The following HTR1F variants were observed in gnomAD, a reference collection of about 807,000 sequenced individuals.
HTR1F encodes 5-hydroxytryptamine receptor 1F, also known as 5-hydroxytryptamine (serotonin) receptor 1F, G protein-coupled.
A neutral mutation model predicts 24.0 loss-of-function variants in HTR1F; 17 were observed. The ratio of observed to expected loss-of-function variants is 0.71; its 90% confidence interval spans 0.48 to 1.06. The LOEUF (loss-of-function observed/expected upper bound fraction) is 1.06, where lower values mean the gene tolerates loss of function less well. Ranked by LOEUF, HTR1F falls within the 50% of genes least tolerant of loss-of-function variation. The probability of loss-of-function intolerance (pLI) is 0.00; values close to 1 mark genes in which losing one functional copy is unlikely to be tolerated. For synonymous variants in HTR1F, 186 were observed against 156.8 expected (o/e 1.19, Z -1.39); for missense variants, 391 against 427.8 (o/e 0.91, Z 0.76).
chr3:87,913,093 C>G (rs1203662881), intron 2 of HTR1F, among the ~76,000 whole-genome samples: 1 of 151,954 alleles, frequency 6.6e-6, no homozygotes. Context: ...CAAATCGGAC[C>G]TAATTAAATT....
chr3:87,976,676 A>C (rs187830205), intron 2 of HTR1F, among the ~76,000 whole-genome samples: 28 of 152,354 alleles, frequency 1.8e-4, no homozygotes, highest in Admixed American at 1.8e-3. Context: ...TGATTTTGAG[A>C]TAGACCTTGT....
intron 2 of HTR1F, among the ~76,000 whole-genome samples, chr3:87,946,286 A>T (rs1704702870): frequency 6.6e-6 from 1 of 152,166 alleles, no homozygotes; most frequent in African/African-American, 2.4e-5. Context: ...CTCGAACCAT[A>T]ACAAACACGG....
At position 87,908,770 on chromosome 3, in the gene HTR1F, G is replaced by T. The variant is rs546376663; in HGVS notation, c.-42-81938G>T. On this transcript the variant is annotated intron_variant, in intron 2 of 2. Transcript: ENST00000319595. ...GGTATTTGTGAATCTTTAAGACTTA[G>T]TGCTCATCTGTTTCTTAAAGAAACT... Among the ~76,000 whole-genome samples, 14 of 152,148 alleles carry T rather than the reference G, an allele frequency of 9.2e-5. No individual in the cohort carries two copies. The South Asian group carries it at 2.9e-3, about 32-fold the overall frequency.
At chr3:87,957,307 A>C (rs1311252475) in intron 2 of HTR1F, among the ~76,000 whole-genome samples, 1 of 151,316 alleles carries the variant, frequency 6.6e-6, no homozygotes, top group East Asian at 1.9e-4. Flanking sequence ...GATAAATCTC[A>C]CTTGGTCAGG....
chr3:87,852,710 G>A (rs1255556832), intron 2 of HTR1F, among the ~76,000 whole-genome samples: 1 of 151,516 alleles, frequency 6.6e-6, no homozygotes, highest in Non-Finnish European at 1.5e-5. Context: ...TTTTTAATAT[G>A]GGCTATTTGC....
chr3:87,797,886 G>T (rs1703931466), intron 1 of HTR1F, among the ~76,000 whole-genome samples: 1 of 152,170 alleles, frequency 6.6e-6, no homozygotes. Flanking sequence ...AAGGAATACT[G>T]TGGGAGCAAA....
At chr3:87,922,745 T>C (rs996491893) in intron 2 of HTR1F, among the ~76,000 whole-genome samples, 11 of 151,790 alleles carry the variant, frequency 7.2e-5, no homozygotes, top group African/African-American at 2.7e-4. Flanking sequence ...CATGTGAATA[T>C]CCCGTTTTTC....
chr3:87,897,036 G>T (rs1706213086), intron 2 of HTR1F, among the ~76,000 whole-genome samples: 1 of 151,846 alleles, frequency 6.6e-6, no homozygotes, highest in South Asian at 2.1e-4. Flanking sequence ...ATTACCATAT[G>T]ACCCAGAAAT....
At chr3:87,954,501 T>G (rs572275933) in intron 2 of HTR1F, among the ~76,000 whole-genome samples, 1 of 151,800 alleles carries the variant, frequency 6.6e-6, no homozygotes, top group South Asian at 2.1e-4. Context: ...TTAGTAATGA[T>G]AAGAAAATAG....
rs116125757 is a variant in HTR1F at position 87,979,399 on chromosome 3, G to A, written c.-42-11309G>A. ...TCTCCCTGGCAAGCCTGTCCTCTGT[G>A]TCCTAAGTCCGGCAGCCACGATAGT... On this transcript the variant is annotated intron_variant, in intron 2 of 2. Transcript: ENST00000319595. Among the ~76,000 whole-genome samples, 725 of 152,228 alleles carry A rather than the reference G, an allele frequency of 4.8e-3. 4 individuals are homozygous for A. The highest frequency in any genetic ancestry group is 0.017 in the African/African-American group (706 of 41,536).
chr3:87,844,798 T>A (rs1233330510), intron 2 of HTR1F, among the ~76,000 whole-genome samples: 1 of 148,790 alleles, frequency 6.7e-6, no homozygotes, highest in Non-Finnish European at 1.5e-5. Flanking sequence ...CCTTTCCCCA[T>A]TGCTTGTTTT....
chr3:87,979,311 G>T (rs966967950), intron 2 of HTR1F, among the ~76,000 whole-genome samples: 23 of 152,096 alleles, frequency 1.5e-4, no homozygotes, highest in African/African-American at 5.5e-4. Context: ...TCCATGAAGG[G>T]AAACTGGATT....
At chr3:87,805,698 G>A (rs1268476804) in intron 1 of HTR1F, among the ~76,000 whole-genome samples, 1 of 151,942 alleles carries the variant, frequency 6.6e-6, no homozygotes, top group East Asian at 1.9e-4. Flanking sequence ...ATGCATGCTA[G>A]GCTTAATACC....
chr3:87,918,723 T>C (rs972731013), intron 2 of HTR1F, among the ~76,000 whole-genome samples: 2 of 151,950 alleles, frequency 1.3e-5, no homozygotes, highest in Admixed American at 6.6e-5. Context: ...AAATTGTAGA[T>C]TTCTTTCAAA....
intron 2 of HTR1F, among the ~76,000 whole-genome samples, chr3:87,840,700 G>T (rs1356389140): frequency 1.3e-5 from 2 of 151,948 alleles, no homozygotes; most frequent in Non-Finnish European, 2.9e-5. Context: ...ATCATTAGAT[G>T]AATATTTTTA....
At chr3:87,818,817 A>C (rs747457460) in intron 1 of HTR1F, among the ~76,000 whole-genome samples, 1 of 152,042 alleles carries the variant, frequency 6.6e-6, no homozygotes, top group Non-Finnish European at 1.5e-5. Flanking sequence ...TAGACCCCTC[A>C]TTTGCCTCAT....
At chr3:87,937,808 C>T (rs1341453808) in intron 2 of HTR1F, among the ~76,000 whole-genome samples, 1 of 151,854 alleles carries the variant, frequency 6.6e-6, no homozygotes, top group East Asian at 1.9e-4. Context: ...CCTGTAGTCC[C>T]AGCTACTCAG....
intron 2 of HTR1F, among the ~76,000 whole-genome samples, chr3:87,835,753 T>C (rs183920188): frequency 4.9e-4 from 75 of 152,312 alleles, no homozygotes; most frequent in African/African-American, 1.7e-3. Context: ...TCATACATTA[T>C]CCTAAAGAGA....
At chr3:87,941,952 T>C (rs1704579326) in intron 2 of HTR1F, among the ~76,000 whole-genome samples, 1 of 152,086 alleles carries the variant, frequency 6.6e-6, no homozygotes, top group Admixed American at 6.6e-5. Context: ...TTTAGGTCCT[T>C]AATCTTTTGG....
Sources: gnomAD v4.1 joint callset for allele counts (sites outside exome capture counted in the v4.1 genomes callset) on GRCh38, gnomAD v4.1.1 for gene constraint, MANE v1.5 for transcripts, NCBI Gene and HGNC (gene_info 2026-07-23, HGNC 2026-07-21) for gene names.